Variants in XKR6 observed in about 807,000 individuals in gnomAD.
XKR6 encodes XK related 6.
XKR6 carries 22 observed loss-of-function variants against 56.7 expected under a neutral mutation model. The observed-to-expected ratio is 0.39, with a 90% CI of 0.28 to 0.55. The LOEUF is 0.55. Among genes scored for constraint, XKR6 ranks in the 20% least tolerant of loss-of-function variants. The pLI, the probability that XKR6 is intolerant of heterozygous loss-of-function variation, is 0.66. For synonymous variants in XKR6, 524 were observed against 387.8 expected (o/e 1.35, Z -4.13); for missense variants, 852 against 889.0 (o/e 0.96, Z 0.53).
chr8:11,107,203 T>C (rs1798711166), intron 1 of XKR6, among the ~76,000 whole-genome samples: 1 of 152,036 alleles, frequency 6.6e-6, no homozygotes, highest in South Asian at 2.1e-4. Context: ...AATTTTTTTT[T>C]TTTTTTTTAA....
chr8:11,002,463 G>C (rs530334459), intron 1 of XKR6: 2 of 404,092 alleles, frequency 4.9e-6, no homozygotes, highest in South Asian at 3.9e-5. Flanking sequence ...ATCTCCAGGA[G>C]AAGGCAGGAG....
intron 1 of XKR6, among the ~76,000 whole-genome samples, chr8:11,104,430 C>A (rs192879742): frequency 9.9e-5 from 15 of 152,158 alleles, no homozygotes; most frequent in Non-Finnish European, 1.6e-4. Context: ...CTCAATCGGG[C>A]GAGATATAAA....
chr8:10,925,649 C>G (rs1800858381), intron 1 of XKR6, among the ~76,000 whole-genome samples: 1 of 152,220 alleles, frequency 6.6e-6, no homozygotes, highest in South Asian at 2.1e-4. Context: ...TGACTCATCA[C>G]TTGCTAAGTG....
chr8:11,153,193 G>C (rs1801347343), intron 1 of XKR6, among the ~76,000 whole-genome samples: 1 of 152,170 alleles, frequency 6.6e-6, no homozygotes, highest in Non-Finnish European at 1.5e-5. Flanking sequence ...GCTACGTGAA[G>C]AACTGAACTC....
chr8:11,092,265 T>C (rs1036200250), intron 1 of XKR6, among the ~76,000 whole-genome samples: 2 of 152,218 alleles, frequency 1.3e-5, no homozygotes, highest in Admixed American at 6.5e-5. Context: ...CTGCAACTCA[T>C]TGTGCACGCA....
chr8:10,970,181 G>A (rs1282560527), intron 1 of XKR6, among the ~76,000 whole-genome samples: 1 of 152,196 alleles, frequency 6.6e-6, no homozygotes, highest in East Asian at 1.9e-4. Context: ...ACCTTTGCAT[G>A]TGTTCTCTGG....
chr8:11,152,185 C>T (rs1022581038), intron 1 of XKR6, among the ~76,000 whole-genome samples: 3 of 152,178 alleles, frequency 2.0e-5, no homozygotes, highest in Non-Finnish European at 4.4e-5. Context: ...GGCCTGAATG[C>T]TAAGGACATT....
At chr8:10,968,716 G>A (rs954531644) in intron 1 of XKR6, among the ~76,000 whole-genome samples, 1 of 152,268 alleles carries the variant, frequency 6.6e-6, no homozygotes, top group Non-Finnish European at 1.5e-5. Flanking sequence ...AAGAGAAAGA[G>A]TTGGTGGAGT....
intron 1 of XKR6, among the ~76,000 whole-genome samples, chr8:11,168,886 C>T (rs115252145): frequency 0.022 from 3,427 of 152,322 alleles, 133 homozygotes; most frequent in African/African-American, 0.079. Flanking sequence ...AGGAAATAGT[C>T]TCTTTTCCTT....
intron 1 of XKR6, among the ~76,000 whole-genome samples, chr8:11,132,766 C>G (rs561456420): frequency 8.6e-6 from 1 of 115,896 alleles, no homozygotes; most frequent in African/African-American, 5.0e-5. Flanking sequence ...CACACACGCA[C>G]GCACACACAC....
At chr8:11,167,887 T>A (rs1586643300) in intron 1 of XKR6, among the ~76,000 whole-genome samples, 2 of 101,356 alleles carry the variant, frequency 2.0e-5, no homozygotes, top group Non-Finnish European at 1.8e-5. Flanking sequence ...AGACCCCATC[T>A]CTTAAAAAAA....
At chr8:10,956,887 C>T (rs974846442) in intron 1 of XKR6, among the ~76,000 whole-genome samples, 1 of 152,176 alleles carries the variant, frequency 6.6e-6, no homozygotes. Context: ...TGAGAGCTTC[C>T]TTAAAATGTG....
intron 1 of XKR6, among the ~76,000 whole-genome samples, chr8:11,026,269 T>C (rs1452588969): frequency 1.3e-5 from 2 of 148,958 alleles, no homozygotes; most frequent in African/African-American, 5.0e-5. Flanking sequence ...ACACTCTTAA[T>C]GGTGTTGCCT....
intron 1 of XKR6, among the ~76,000 whole-genome samples, chr8:11,149,080 T>G (rs762398355): frequency 1.3e-5 from 2 of 152,216 alleles, no homozygotes; most frequent in Non-Finnish European, 2.9e-5. Context: ...AATGTTTGTG[T>G]GCCCCCAAAA....
intron 1 of XKR6, among the ~76,000 whole-genome samples, chr8:11,174,364 C>T (rs575394402): frequency 4.5e-4 from 69 of 152,280 alleles, no homozygotes; most frequent in Non-Finnish European, 6.6e-4. Context: ...CCTCCCTTTC[C>T]AAAACAGCTG....
intron 1 of XKR6, among the ~76,000 whole-genome samples, chr8:11,080,493 C>A (rs1166327386): frequency 2.0e-5 from 3 of 152,236 alleles, no homozygotes; most frequent in African/African-American, 7.2e-5. Context: ...GTTCTCTAAA[C>A]AGCAGACAGT....
intron 1 of XKR6, among the ~76,000 whole-genome samples, chr8:10,956,935 C>T (rs1348123911): frequency 1.3e-5 from 2 of 152,180 alleles, no homozygotes; most frequent in Non-Finnish European, 2.9e-5. Context: ...TAGTCCTGGC[C>T]TTGTCCATAA....
chr8:11,068,878 C>T (rs918036547), intron 1 of XKR6, among the ~76,000 whole-genome samples: 7 of 152,188 alleles, frequency 4.6e-5, no homozygotes, highest in South Asian at 2.1e-4. Flanking sequence ...GAAAGGCACC[C>T]GTCAGGAAGA....
At chr8:11,086,132 A>AT (rs1797879362) in intron 1 of XKR6, among the ~76,000 whole-genome samples, 2 of 103,754 alleles carry the variant, frequency 1.9e-5, no homozygotes, top group Admixed American at 7.9e-5. Flanking sequence ...TTTAAAAAGA[A>AT]AATATATATA....
Sources: gnomAD v4.1 joint callset for allele counts (sites outside exome capture counted in the v4.1 genomes callset) on GRCh38, gnomAD v4.1.1 for gene constraint, MANE v1.5 for transcripts, NCBI Gene and HGNC (gene_info 2026-07-23, HGNC 2026-07-21) for gene names.